FBXL17: variants seen among roughly 807,000 people sequenced by gnomAD.
FBXL17 encodes the protein F-box/LRR-repeat protein 17.
FBXL17 carries 22 observed loss-of-function variants against 66.2 expected under a neutral mutation model. The observed-to-expected ratio is 0.33, with a 90% CI of 0.24 to 0.47. FBXL17 has a LOEUF of 0.47. Ranked by LOEUF, FBXL17 falls within the 20% of genes least tolerant of loss-of-function variation. FBXL17 has a pLI of 1.00. For missense variants in FBXL17, 878 were observed against 948.2 expected, an observed-to-expected ratio of 0.93 and a Z score of 0.97; for synonymous variants, 474 against 400.5, an observed-to-expected ratio of 1.18 and a Z score of -2.19.
At chr5:108,258,830 T>C (rs552969863) in intron 4 of FBXL17, among the ~76,000 whole-genome samples, 202 of 151,292 alleles carry the variant, frequency 1.3e-3, no homozygotes, top group Non-Finnish European at 2.3e-3. Flanking sequence ...CCAGGATATA[T>C]TGCTGAAGTG....
chr5:108,282,572 A>C (rs545834426), intron 4 of FBXL17, among the ~76,000 whole-genome samples: 12 of 151,970 alleles, frequency 7.9e-5, no homozygotes, highest in South Asian at 4.1e-4. Context: ...CTAAATGATG[A>C]GTATTTAAAG....
chr5:108,149,265 A>G (rs1490365609), intron 6 of FBXL17, among the ~76,000 whole-genome samples: 1 of 152,204 alleles, frequency 6.6e-6, no homozygotes, highest in Non-Finnish European at 1.5e-5. Flanking sequence ...AATTTTTAAA[A>G]AGCCTTAATT....
At position 108,381,153 on chromosome 5, in the gene FBXL17, C is replaced by T. The variant is rs1394118628; in HGVS notation, c.539G>A (p.Arg180Gln). Reference sequence around the variant, plus strand: ...CTCGGCCGGTGACGGTGTCGGCCCCCGGAAGAGCTGCACGGCGGCGGGCGG... The same window carrying T: ...CTCGGCCGGTGACGGTGTCGGCCCCTGGAAGAGCTGCACGGCGGCGGGCGG... ...LGPPAAVQLF[R>Q]GPTPSPAELP... is the part of the protein sequence containing the mutation. Residue 180 changes from arginine (R) to glutamine (Q), a missense_variant, in exon 1 of 9, where the codon CGG becomes CAG. Physicochemically the swap from Arg to Gln is conservative, Grantham distance 43. Around this residue, in one of 4 missense-constraint regions of FBXL17, gnomAD observed 605 missense variants for 509.5 expected, o/e 1.19. Transcript: ENST00000542267. 3 of 1,407,814 alleles carry T rather than the reference C, an allele frequency of 2.1e-6. No individual in the cohort carries two copies. The highest frequency in any genetic ancestry group is 2.8e-6 in the Non-Finnish European group (3 of 1,083,218). The allele number at this position is 1,407,814 out of a possible 1,614,324, so 87.2% of individuals were successfully genotyped here.
At chr5:107,895,640 C>G (rs1378473846) in intron 7 of FBXL17, among the ~76,000 whole-genome samples, 1 of 152,062 alleles carries the variant, frequency 6.6e-6, no homozygotes, top group East Asian at 1.9e-4. Flanking sequence ...AAATGATGCT[C>G]TCAAATAAAA....
chr5:108,362,141 T>C (rs922072448), intron 3 of FBXL17, among the ~76,000 whole-genome samples: 1 of 152,276 alleles, frequency 6.6e-6, no homozygotes, highest in East Asian at 1.9e-4. Context: ...TGCTCCAACA[T>C]TTTGCTGATA....
intron 7 of FBXL17, among the ~76,000 whole-genome samples, chr5:107,966,131 T>C (rs530673527): frequency 2.0e-4 from 31 of 152,262 alleles, no homozygotes; most frequent in Admixed American, 1.6e-3. Flanking sequence ...CTTTGGGGTA[T>C]TTGCCCTATC....
intron 6 of FBXL17, among the ~76,000 whole-genome samples, chr5:108,169,678 C>T (rs570141992): frequency 5.4e-4 from 83 of 152,306 alleles, no homozygotes; most frequent in African/African-American, 1.8e-3. Context: ...GCTGCTTTAA[C>T]TCTTCCATTA....
chr5:108,063,434 C>T (rs564335468), intron 6 of FBXL17, among the ~76,000 whole-genome samples: 18 of 152,174 alleles, frequency 1.2e-4, no homozygotes, highest in Non-Finnish European at 2.1e-4. Flanking sequence ...AGTATAAGAT[C>T]ATAACGATCC....
At chr5:107,918,584 T>C (rs2112557635) in intron 7 of FBXL17, among the ~76,000 whole-genome samples, 1 of 152,284 alleles carries the variant, frequency 6.6e-6, no homozygotes. Flanking sequence ...TAAGTTTGCA[T>C]TCACATACCT....
At chr5:107,980,645 A>AATATATAT (rs61438456) in intron 7 of FBXL17, among the ~76,000 whole-genome samples, 13 of 79,198 alleles carry the variant, frequency 1.6e-4, no homozygotes, top group East Asian at 1.7e-3. Context: ...CCAATAAAAT[A>AATATATAT]ATATATATAT....
chr5:108,031,742 ATG>A, intron 6 of FBXL17, among the ~76,000 whole-genome samples: 1 of 152,262 alleles, frequency 6.6e-6, no homozygotes, highest in South Asian at 2.1e-4. Flanking sequence ...TAAAACAGAG[ATG>A]ATACTTCACT....
At chr5:107,961,844 G>A (rs527395096) in intron 7 of FBXL17, among the ~76,000 whole-genome samples, 141 of 152,262 alleles carry the variant, frequency 9.3e-4, no homozygotes, top group Non-Finnish European at 1.7e-3. Flanking sequence ...TAGGGTCTAT[G>A]TCTGTGCAGA....
chr5:107,863,526 A>C (rs1748189498), intron 8 of FBXL17, among the ~76,000 whole-genome samples: 1 of 151,488 alleles, frequency 6.6e-6, no homozygotes, highest in Admixed American at 6.6e-5. Flanking sequence ...TCACTAAGTT[A>C]CATAAGTATT....
intron 6 of FBXL17, among the ~76,000 whole-genome samples, chr5:108,151,463 T>C (rs951147642): frequency 1.3e-5 from 2 of 152,200 alleles, no homozygotes; most frequent in African/African-American, 4.8e-5. Context: ...TTGCTGTGGA[T>C]CTTACTTTAT....
rs536270735 is a variant in FBXL17 at position 107,885,712 on chromosome 5, A to G, written c.1823-4533T>C. Among the ~76,000 whole-genome samples, 5 of 152,358 alleles carry G rather than the reference A, an allele frequency of 3.3e-5. No individual in the cohort carries two copies. The South Asian group carries it at 1.0e-3, about 32-fold the overall frequency. Reference sequence around the variant, plus strand: ...CCCTTCGTAAAAAGCACAAGGGAATATAATAAAATACATATTAATCTGCTC... The same window carrying G: ...CCCTTCGTAAAAAGCACAAGGGAATGTAATAAAATACATATTAATCTGCTC... On this transcript the variant is annotated intron_variant, in intron 7 of 8. Coordinates refer to ENST00000542267, the MANE Select transcript of FBXL17 (RefSeq NM_001163315.3).
chr5:107,972,298 G>A (rs1752401819), intron 7 of FBXL17, among the ~76,000 whole-genome samples: 1 of 152,198 alleles, frequency 6.6e-6, no homozygotes, highest in Non-Finnish European at 1.5e-5. Context: ...TATAAATGGT[G>A]TAAATGTATC....
At chr5:108,024,709 C>T (rs1183526697) in intron 6 of FBXL17, among the ~76,000 whole-genome samples, 1 of 152,106 alleles carries the variant, frequency 6.6e-6, no homozygotes, top group Non-Finnish European at 1.5e-5. Flanking sequence ...TCCAAAGTAT[C>T]CTAAGCATCC....
At chr5:108,102,188 T>C (rs556220306) in intron 6 of FBXL17, among the ~76,000 whole-genome samples, 1 of 152,286 alleles carries the variant, frequency 6.6e-6, no homozygotes, top group South Asian at 2.1e-4. Context: ...TCTGGAGAGA[T>C]ACAGAGGGCA....
intron 7 of FBXL17, among the ~76,000 whole-genome samples, chr5:107,987,388 C>G (rs758838579): frequency 1.3e-5 from 2 of 151,606 alleles, no homozygotes; most frequent in African/African-American, 4.8e-5. Context: ...CTCCCTGGTG[C>G]TAAAGCCGAT....
Sources: gnomAD v4.1 joint callset for allele counts (sites outside exome capture counted in the v4.1 genomes callset) on GRCh38, gnomAD v4.1.1 for gene constraint, gnomAD v4.1.1 regional missense constraint, MANE v1.5 for transcripts, NCBI Gene and HGNC (gene_info 2026-07-23, HGNC 2026-07-21) for gene names.